The following CATSPERB variants were observed in gnomAD, a reference collection of about 807,000 sequenced individuals.
CATSPERB encodes the protein catsper channel auxiliary subunit beta, also known as cation channel sperm-associated auxiliary subunit beta.
CATSPERB carries 93 observed loss-of-function variants against 128.3 expected under a neutral mutation model. The ratio of observed to expected loss-of-function variants is 0.72; its 90% confidence interval spans 0.61 to 0.86. CATSPERB has a LOEUF of 0.86. CATSPERB is among the 40% of genes least tolerant of loss of function. The probability of loss-of-function intolerance (pLI) is 0.00; values close to 1 mark genes in which losing one functional copy is unlikely to be tolerated. For synonymous variants in CATSPERB, 381 were observed against 448.8 expected, an observed-to-expected ratio of 0.85 and a Z score of 1.91; for missense variants, 1,153 against 1,329.5, an observed-to-expected ratio of 0.87 and a Z score of 2.06.
intron 25 of CATSPERB, among the ~76,000 whole-genome samples, chr14:91,587,638 A>C (rs951298240): frequency 5.3e-5 from 8 of 151,988 alleles, no homozygotes; most frequent in Non-Finnish European, 1.0e-4. Flanking sequence ...TACCAACTTC[A>C]TGTATTTTTA....
At chr14:91,714,926 T>G (rs1187407256) in intron 5 of CATSPERB, 1 of 152,468 alleles carries the variant, frequency 6.6e-6, no homozygotes, top group Non-Finnish European at 1.5e-5. Flanking sequence ...CCACTCAAAC[T>G]GCATTCTCTC....
At chr14:91,624,641 CAA>C (rs372213358) in intron 18 of CATSPERB, among the ~76,000 whole-genome samples, 177 bp downstream of exon 18, 4 of 81,086 alleles carry the variant, frequency 4.9e-5, no homozygotes, top group Admixed American at 1.2e-4. Flanking sequence ...ACTCCATTGC[CAA>C]AAAAAAAAAA....
At chr14:91,716,073 T>A (rs181161780) in intron 5 of CATSPERB, among the ~76,000 whole-genome samples, 1 of 152,272 alleles carries the variant, frequency 6.6e-6, no homozygotes, top group Non-Finnish European at 1.5e-5. Context: ...AGCTGATAAA[T>A]TAGCCTTCAG....
intron 2 of CATSPERB, among the ~76,000 whole-genome samples, chr14:91,725,954 G>A (rs113417421): frequency 1.0e-3 from 153 of 152,244 alleles, no homozygotes; most frequent in African/African-American, 3.5e-3. Context: ...GAACAGAAGA[G>A]CAAAAGAACA....
intron 14 of CATSPERB, among the ~76,000 whole-genome samples, chr14:91,667,476 C>T (rs181786201): frequency 5.0e-4 from 76 of 152,272 alleles, no homozygotes; most frequent in African/African-American, 1.7e-3. Context: ...GAAAAAACAG[C>T]GTACCCTATT....
chr14:91,604,491 T>C, intron 22 of CATSPERB: 1 of 1,598,210 alleles, frequency 6.3e-7, no homozygotes, highest in Non-Finnish European at 8.5e-7. Flanking sequence ...GTCTGCTGTA[T>C]TACATTATGG....
At chr14:91,628,061 G>A (rs1445818229) in intron 17 of CATSPERB, among the ~76,000 whole-genome samples, 2 of 152,184 alleles carry the variant, frequency 1.3e-5, no homozygotes, top group Non-Finnish European at 2.9e-5. Context: ...GTGGGAGGGG[G>A]CAAAGAGTTT....
At chr14:91,650,448 G>A (rs1437086324) in intron 15 of CATSPERB, among the ~76,000 whole-genome samples, 2 of 152,190 alleles carry the variant, frequency 1.3e-5, no homozygotes, top group African/African-American at 4.8e-5. Flanking sequence ...AATGAGTTGA[G>A]TTGGTTCCAA....
intron 13 of CATSPERB, among the ~76,000 whole-genome samples, chr14:91,670,515 A>T (rs1035086655): frequency 3.5e-5 from 5 of 143,960 alleles, no homozygotes; most frequent in African/African-American, 1.0e-4. Flanking sequence ...CAGTTGCATT[A>T]AAAAAAAAAA....
At chr14:91,687,205 T>G (rs1187415467) in intron 10 of CATSPERB, among the ~76,000 whole-genome samples, 1 of 152,152 alleles carries the variant, frequency 6.6e-6, no homozygotes, top group African/African-American at 2.4e-5. Context: ...TCAGTCTATA[T>G]CTTTTTGTAA....
chr14:91,713,991 G>A (rs1895887595), intron 5 of CATSPERB, among the ~76,000 whole-genome samples: 1 of 152,030 alleles, frequency 6.6e-6, no homozygotes, highest in African/African-American at 2.4e-5. Flanking sequence ...TCCAAGACTG[G>A]TTCAAAATTC....
At chr14:91,704,197 A>G (rs140556197) in intron 7 of CATSPERB, among the ~76,000 whole-genome samples, 1 of 152,332 alleles carries the variant, frequency 6.6e-6, no homozygotes, top group African/African-American at 2.4e-5. Context: ...AAAAAATGCA[A>G]ACATAAACTA....
intron 4 of CATSPERB, among the ~76,000 whole-genome samples, chr14:91,721,953 C>T (rs961950361): frequency 1.3e-5 from 2 of 151,902 alleles, no homozygotes; most frequent in Non-Finnish European, 1.5e-5. Flanking sequence ...GTCCTGGCTA[C>T]TCAGGAGGCT....
intron 7 of CATSPERB, among the ~76,000 whole-genome samples, chr14:91,695,005 T>G (rs569422198): frequency 6.1e-4 from 93 of 152,356 alleles, no homozygotes; most frequent in African/African-American, 2.1e-3. Context: ...AGCTCTTTTC[T>G]GTTTAAGGAA....
intron 13 of CATSPERB, among the ~76,000 whole-genome samples, chr14:91,671,773 T>C (rs1430102760): frequency 6.6e-6 from 1 of 152,068 alleles, no homozygotes; most frequent in African/African-American, 2.4e-5. Context: ...GGCTCACGCT[T>C]GTAATCCCAG....
At chr14:91,623,100 G>A (rs1479437613) in intron 18 of CATSPERB, among the ~76,000 whole-genome samples, 1 of 151,952 alleles carries the variant, frequency 6.6e-6, no homozygotes, top group African/African-American at 2.4e-5. Flanking sequence ...TCACCATGTT[G>A]GCCAGACTGG....
At chr14:91,610,807 C>A (rs1193401354) in intron 20 of CATSPERB, 130 bp from the exon 21 acceptor site, 2 of 819,976 alleles carry the variant, frequency 2.4e-6, no homozygotes, top group African/African-American at 1.7e-5. Context: ...GGAGATAGGG[C>A]CTTTAAGGAG....
At chr14:91,692,480 A>C (rs1355367064) in intron 9 of CATSPERB, among the ~76,000 whole-genome samples, 1 of 152,208 alleles carries the variant, frequency 6.6e-6, no homozygotes, top group East Asian at 1.9e-4. Flanking sequence ...ACTTTCTCAG[A>C]GATGGTGAGG....
intron 20 of CATSPERB, among the ~76,000 whole-genome samples, chr14:91,615,340 C>G (rs1425424028): frequency 6.6e-6 from 1 of 152,210 alleles, no homozygotes; most frequent in Non-Finnish European, 1.5e-5. Flanking sequence ...TGAAGTGGAA[C>G]AGTTTCATCC....
Sources: allele counts gnomAD v4.1 joint callset (sites outside exome capture counted in the v4.1 genomes callset), GRCh38; gene constraint gnomAD v4.1.1; transcripts MANE v1.5; gene names NCBI Gene and HGNC (gene_info 2026-07-23, HGNC 2026-07-21).